Variants in SORCS3 observed in about 807,000 individuals in gnomAD.
SORCS3 encodes the protein VPS10 domain-containing receptor SorCS3.
In SORCS3, 57 loss-of-function variants were observed where a neutral mutation model predicts 146.3. The ratio of observed to expected loss-of-function variants is 0.39; its 90% CI spans 0.31 to 0.49. The LOEUF (loss-of-function observed/expected upper bound fraction) is 0.49. Among genes scored for constraint, SORCS3 ranks in the 20% least tolerant of loss-of-function variants. SORCS3 has a pLI of 0.92. For synonymous variants in SORCS3, 653 were observed against 618.5 expected (o/e 1.06, Z -0.83); for missense variants, 1,341 against 1,575.5 (o/e 0.85, Z 2.52).
chr10:105,233,201 C>T (rs1015906802), intron 20 of SORCS3, among the ~76,000 whole-genome samples: 1 of 151,832 alleles, frequency 6.6e-6, no homozygotes, highest in African/African-American at 2.4e-5. Flanking sequence ...TAACACTATA[C>T]CACTTCAATA....
intron 3 of SORCS3, among the ~76,000 whole-genome samples, chr10:104,933,915 C>A (rs907221539): frequency 6.6e-6 from 1 of 152,168 alleles, no homozygotes; most frequent in Non-Finnish European, 1.5e-5. Context: ...TTGCCTCATC[C>A]TCTCGAGTAG....
Position 104,913,024 on chromosome 10 carries a change from C to T in SORCS3, c.696-2809C>T, listed in dbSNP as rs139626106. Among the ~76,000 whole-genome samples the T allele has an allele frequency of 1.5e-4, 23 of 152,268 alleles. No homozygotes were observed. In the East Asian group the frequency reaches 4.2e-3, roughly 28 times the overall value. ...GAGGGCAGTGAGAATGTAGGACATG[C>T]TCAGGAAAGTTTAGCGAGGCTGGAG... On this transcript the variant is annotated intron_variant, in intron 2 of 26. Coordinates refer to ENST00000369701, the MANE Select transcript of SORCS3 (RefSeq NM_014978.3).
chr10:105,013,081 T>C (rs549314835), intron 4 of SORCS3, among the ~76,000 whole-genome samples: 84 of 152,278 alleles, frequency 5.5e-4, no homozygotes, highest in Non-Finnish European at 1.1e-3. Context: ...TGGAATTTAG[T>C]ATACTAAAGG....
rs541869610 is a variant in SORCS3 at position 104,862,968 on chromosome 10, G to A, written c.695+20109G>A. Among the ~76,000 whole-genome samples, 168 of 152,232 alleles carry A rather than the reference G, an allele frequency of 1.1e-3. 1 individual carries two copies. The South Asian group carries it at 0.019, about 17-fold the overall frequency. Reference sequence around the variant, plus strand: ...TGGGAAATGTATGCTAAAAATTGTCGAGGAAGCTGTGACATTCATTTGGGG... The same window carrying A: ...TGGGAAATGTATGCTAAAAATTGTCAAGGAAGCTGTGACATTCATTTGGGG... On this transcript the variant is annotated intron_variant, in intron 2 of 26. Transcript: ENST00000369701.
intron 1 of SORCS3, among the ~76,000 whole-genome samples, chr10:104,669,193 C>G (rs2015820991): frequency 6.6e-6 from 1 of 152,158 alleles, no homozygotes; most frequent in Admixed American, 6.5e-5. Flanking sequence ...TATACATGTA[C>G]TAGAGTGCAC....
At chr10:105,013,782 A>G (rs2055148342) in intron 4 of SORCS3, among the ~76,000 whole-genome samples, 1 of 152,130 alleles carries the variant, frequency 6.6e-6, no homozygotes, top group Non-Finnish European at 1.5e-5. Context: ...ATACAAATCA[A>G]TCAAAATTGC....
At chr10:104,843,756 C>T (rs988175654) in intron 2 of SORCS3, among the ~76,000 whole-genome samples, 18 of 152,230 alleles carry the variant, frequency 1.2e-4, no homozygotes, top group East Asian at 3.9e-4. Context: ...ACCACATTGA[C>T]GTGCAGTCAC....
chr10:104,840,003 A>G (rs550774186), intron 1 of SORCS3, among the ~76,000 whole-genome samples: 6 of 152,308 alleles, frequency 3.9e-5, no homozygotes, highest in African/African-American at 1.4e-4. Context: ...AATGTCACCC[A>G]TCAAGGAGTC....
intron 1 of SORCS3, among the ~76,000 whole-genome samples, chr10:104,744,970 G>A (rs1304194252): frequency 6.6e-6 from 1 of 152,204 alleles, no homozygotes; most frequent in Non-Finnish European, 1.5e-5. Context: ...AATTCCAAAT[G>A]TGTTTATCGT....
chr10:104,892,646 C>T (rs879822848), intron 2 of SORCS3, among the ~76,000 whole-genome samples: 2 of 152,088 alleles, frequency 1.3e-5, no homozygotes, highest in African/African-American at 4.8e-5. Flanking sequence ...TCACTTGTAC[C>T]CGGGAGGCGG....
intron 22 of SORCS3, among the ~76,000 whole-genome samples, chr10:105,247,933 T>C (rs1202000688): frequency 6.6e-6 from 1 of 152,176 alleles, no homozygotes; most frequent in Non-Finnish European, 1.5e-5. Context: ...CACTGAGTTG[T>C]TGCTAATATT....
intron 5 of SORCS3, among the ~76,000 whole-genome samples, chr10:105,086,769 A>G (rs1207910286): frequency 1.3e-5 from 2 of 152,170 alleles, no homozygotes; most frequent in African/African-American, 4.8e-5. Context: ...TACCAGCATG[A>G]TATAAAGAAA....
At chr10:105,166,924 T>C (rs2056319028) in intron 12 of SORCS3, among the ~76,000 whole-genome samples, 1 of 152,160 alleles carries the variant, frequency 6.6e-6, no homozygotes, top group Non-Finnish European at 1.5e-5. Context: ...GCTGGAAAGA[T>C]AGGGAAGTTT....
chr10:104,738,861 T>A (rs868636484), intron 1 of SORCS3, among the ~76,000 whole-genome samples: 2 of 152,152 alleles, frequency 1.3e-5, no homozygotes, highest in Middle Eastern at 3.2e-3. Flanking sequence ...AATATACAGA[T>A]TCCCTGCCAA....
chr10:104,875,615 C>G (rs1589532508), intron 2 of SORCS3, among the ~76,000 whole-genome samples: 1 of 152,276 alleles, frequency 6.6e-6, no homozygotes, highest in East Asian at 1.9e-4. Flanking sequence ...GAAATGTCAG[C>G]ATTGAAATGT....
At chr10:105,221,183 TAG>T (rs1307066651) in intron 19 of SORCS3, among the ~76,000 whole-genome samples, 1 of 152,192 alleles carries the variant, frequency 6.6e-6, no homozygotes, top group Non-Finnish European at 1.5e-5. Flanking sequence ...TAATAGAAAC[TAG>T]GGCATCCATC....
chr10:104,769,753 A>C (rs2017225356), intron 1 of SORCS3, among the ~76,000 whole-genome samples: 2 of 152,102 alleles, frequency 1.3e-5, no homozygotes, highest in Non-Finnish European at 2.9e-5. Context: ...CTGAGGCTTA[A>C]GTGTCCCCTC....
intron 16 of SORCS3, among the ~76,000 whole-genome samples, chr10:105,201,499 G>A (rs2056574674): frequency 6.6e-6 from 1 of 151,916 alleles, no homozygotes; most frequent in African/African-American, 2.4e-5. Context: ...TCTCTCAGGG[G>A]GCTTCTTCTC....
chr10:105,255,404 A>G (rs7897638), intron 23 of SORCS3, among the ~76,000 whole-genome samples: 1,764 of 152,148 alleles, frequency 0.012, 45 homozygotes, highest in African/African-American at 0.04. Context: ...GCACACCAAC[A>G]TGGCACATGT....
Sources: allele counts gnomAD v4.1 joint callset (sites outside exome capture counted in the v4.1 genomes callset), GRCh38; gene constraint gnomAD v4.1.1; transcripts MANE v1.5; gene names NCBI Gene and HGNC (gene_info 2026-07-23, HGNC 2026-07-21).